ATG10: variants seen among roughly 807,000 people sequenced by gnomAD.
ATG10 encodes the protein ubiquitin-like-conjugating enzyme ATG10.
ATG10 carries 30 observed loss-of-function variants against 32.1 expected under a neutral mutation model. The observed-to-expected ratio is 0.94, with a 90% CI of 0.70 to 1.27. The LOEUF (loss-of-function observed/expected upper bound fraction) is 1.27. ATG10 is among the 50% of genes most tolerant of loss of function. The pLI, the probability that ATG10 is intolerant of heterozygous loss-of-function variation, is 0.00. For missense variants in ATG10, 233 were observed against 262.3 expected (o/e 0.89, Z 0.77); for synonymous variants, 87 against 91.5 (o/e 0.95, Z 0.28).
Position 82,255,363 on chromosome 5 carries a change from T to A in ATG10, c.*1300T>A, listed in dbSNP as rs1231441160. 1 of 152,240 alleles carries A rather than the reference T, an allele frequency of 6.6e-6. No homozygotes were observed. The highest frequency in any genetic ancestry group is 1.5e-5 in the Non-Finnish European group (1 of 68,038). 9.4% of individuals were successfully genotyped at this position (152,240 alleles called of 1,614,324 possible). A position where few individuals can be genotyped will look rare whatever the true frequency, so the allele number is the denominator to read the frequency against. On this transcript the variant is annotated 3_prime_UTR_variant, in exon 8 of 8. Transcript: ENST00000282185. ...GGCTGTAAATAAGTTTCATAGCCAG[T>A]TAAGTATTAAGATAAACCTAACCTG...
At chr5:82,170,694 C>T (rs1348997091) in intron 4 of ATG10, among the ~76,000 whole-genome samples, 2 of 151,922 alleles carry the variant, frequency 1.3e-5, no homozygotes, top group Non-Finnish European at 2.9e-5. Context: ...ACCTGTAATC[C>T]CAGCACTTTG....
At chr5:82,085,077 C>G (rs1764626934) in intron 3 of ATG10, among the ~76,000 whole-genome samples, 1 of 152,090 alleles carries the variant, frequency 6.6e-6, no homozygotes, top group Admixed American at 6.6e-5. Flanking sequence ...GTGCTGTATT[C>G]AGGAGACCCA....
intron 5 of ATG10, among the ~76,000 whole-genome samples, chr5:82,188,958 A>G (rs1744557198): frequency 6.6e-6 from 1 of 152,182 alleles, no homozygotes; most frequent in South Asian, 2.1e-4. Context: ...AAAATTCTCC[A>G]TATTACATTT....
intron 5 of ATG10, among the ~76,000 whole-genome samples, chr5:82,186,239 T>G (rs911293175): frequency 2.6e-5 from 4 of 152,238 alleles, no homozygotes; most frequent in African/African-American, 9.6e-5. Context: ...ACTGCTAATT[T>G]ATTGAATCTG....
intron 2 of ATG10, among the ~76,000 whole-genome samples, chr5:82,040,976 T>C (rs375339843): frequency 6.6e-6 from 1 of 152,196 alleles, no homozygotes; most frequent in African/African-American, 2.4e-5. Flanking sequence ...CATTTTTACT[T>C]TATTTAGATG....
At chr5:82,253,680 T>C (rs759746833) in intron 7 of ATG10, among the ~76,000 whole-genome samples, 3 of 152,168 alleles carry the variant, frequency 2.0e-5, no homozygotes, top group Non-Finnish European at 2.9e-5. Flanking sequence ...CAAGCGAGCA[T>C]TACCACCTGA....
At chr5:82,199,552 A>T (rs1026354906) in intron 5 of ATG10, among the ~76,000 whole-genome samples, 1 of 152,170 alleles carries the variant, frequency 6.6e-6, no homozygotes, top group South Asian at 2.1e-4. Flanking sequence ...CCTGATATCA[A>T]TATAAGCATA....
intron 3 of ATG10, among the ~76,000 whole-genome samples, chr5:82,146,590 A>G (rs1347808354): frequency 6.6e-6 from 1 of 150,568 alleles, no homozygotes; most frequent in African/African-American, 2.4e-5. Context: ...CACATGTCCC[A>G]AATACTTTGT....
At chr5:81,986,278 A>C (rs1285304070) in intron 1 of ATG10, among the ~76,000 whole-genome samples, 1 of 152,212 alleles carries the variant, frequency 6.6e-6, no homozygotes, top group African/African-American at 2.4e-5. Context: ...GTTTGTGAAC[A>C]CACAGTTAAC....
chr5:81,985,849 G>A (rs371200833), intron 1 of ATG10, among the ~76,000 whole-genome samples: 60 of 152,226 alleles, frequency 3.9e-4, no homozygotes, highest in Non-Finnish European at 7.5e-4. Flanking sequence ...TGCAAGCTCC[G>A]CCTCCCGGGT....
At chr5:82,117,446 T>G (rs1765851871) in intron 3 of ATG10, among the ~76,000 whole-genome samples, 1 of 152,166 alleles carries the variant, frequency 6.6e-6, no homozygotes, top group Non-Finnish European at 1.5e-5. Flanking sequence ...ATTTCCTTGT[T>G]GTCTGCTTCA....
Position 81,974,091 on chromosome 5 carries a change from G to A in ATG10, c.-13+1785G>A, listed in dbSNP as rs1760804995. 2.0e-5 allele frequency among the ~76,000 whole-genome samples: 3 copies of A among 152,160 alleles called. No individual in the cohort carries two copies. In the South Asian group the frequency reaches 6.2e-4, roughly 31 times the overall value. ...AGCAGCCCTTTAGGAAAAACAAGGA[G>A]AGTAAAGCTTACAGAAGATTTCTTA... On this transcript the variant is annotated intron_variant, in intron 1 of 7. Coordinates refer to ENST00000282185, the MANE Select transcript of ATG10 (RefSeq NM_031482.5).
chr5:82,026,888 G>T (rs1762608714), intron 2 of ATG10, among the ~76,000 whole-genome samples: 1 of 151,654 alleles, frequency 6.6e-6, no homozygotes, highest in African/African-American at 2.4e-5. Flanking sequence ...GTGAAACCCT[G>T]TCCCTACTAA....
intron 3 of ATG10, among the ~76,000 whole-genome samples, chr5:82,089,971 G>A (rs1196814509): frequency 6.6e-6 from 1 of 151,542 alleles, no homozygotes; most frequent in Non-Finnish European, 1.5e-5. Context: ...TAGATGACAA[G>A]CACATGAAAA....
Position 82,018,744 on chromosome 5 carries a change from A to G in ATG10, c.108+31066A>G, listed in dbSNP as rs370432172. Among the ~76,000 whole-genome samples, 3 of 152,088 alleles carry G rather than the reference A, an allele frequency of 2.0e-5. No homozygotes were observed. The East Asian group carries it at 5.8e-4, about 29-fold the overall frequency. On this transcript the variant is annotated intron_variant, in intron 2 of 7. Transcript: ENST00000282185. ...CCAGGTCCTTTGTGTGGTTGCTCAC[A>G]TGCCACCTCCTTAATGAGGCCTCCC...
At chr5:82,017,907 A>G (rs1285503239) in intron 2 of ATG10, among the ~76,000 whole-genome samples, 1 of 151,170 alleles carries the variant, frequency 6.6e-6, no homozygotes, top group Non-Finnish European at 1.5e-5. Context: ...CTGTTTCTTT[A>G]TTTTTTCCCC....
intron 3 of ATG10, among the ~76,000 whole-genome samples, chr5:82,129,047 T>C (rs1228752655): frequency 7.3e-5 from 11 of 151,712 alleles, no homozygotes; most frequent in Non-Finnish European, 2.9e-5. Context: ...CTTGGAGGCT[T>C]TTCATTCTTT....
chr5:82,056,072 C>A (rs1245205962), intron 2 of ATG10, among the ~76,000 whole-genome samples: 13 of 152,070 alleles, frequency 8.5e-5, no homozygotes, highest in Non-Finnish European at 1.6e-4. Flanking sequence ...AGAAGGTATT[C>A]CTGCCGTTAA....
intron 3 of ATG10, among the ~76,000 whole-genome samples, chr5:82,062,396 A>G (rs1156384188): frequency 6.6e-6 from 1 of 152,136 alleles, no homozygotes; most frequent in Non-Finnish European, 1.5e-5. Flanking sequence ...CAAGTAGAAG[A>G]AAGAGTGCTA....
Sources: allele counts gnomAD v4.1 joint callset (sites outside exome capture counted in the v4.1 genomes callset), GRCh38; gene constraint gnomAD v4.1.1; transcripts MANE v1.5; gene names NCBI Gene and HGNC (gene_info 2026-07-23, HGNC 2026-07-21).